The following GATA4 variants were observed in gnomAD, a reference collection of about 807,000 sequenced individuals.
GATA4 encodes transcription factor GATA-4.
In GATA4, 7 loss-of-function variants were observed where a neutral mutation model predicts 37.9. The observed-to-expected ratio is 0.18, with a 90% CI of 0.11 to 0.35. GATA4 has a LOEUF of 0.35. Among genes scored for constraint, GATA4 ranks in the 10% least tolerant of loss-of-function variants. The pLI, the probability that GATA4 is intolerant of heterozygous loss-of-function variation, is 1.00. For missense variants in GATA4, 647 were observed against 653.0 expected (o/e 0.99, Z 0.10); for synonymous variants, 372 against 292.6 (o/e 1.27, Z -2.77).
At chr8:11,678,175 C>G (rs578118694) in intron 1 of GATA4, among the ~76,000 whole-genome samples, 13 of 152,136 alleles carry the variant, frequency 8.5e-5, no homozygotes, top group Middle Eastern at 6.8e-3. Flanking sequence ...TCCACATGCT[C>G]GCAGGTTGAA....
chr8:11,708,193 G>T lies in GATA4; in HGVS notation c.-120G>T, dbSNP rs1344908067. 7 of 1,157,038 alleles carry T rather than the reference G, an allele frequency of 6.0e-6. No homozygotes were observed. Among genetic ancestry groups the T allele is most frequent in the Non-Finnish European group, 7.5e-6 (6 of 803,724 alleles). The allele number at this position is 1,157,038 out of a possible 1,614,324, so 71.7% of individuals were successfully genotyped here. On this transcript the variant is annotated 5_prime_UTR_variant, in exon 2 of 7. Coordinates refer to ENST00000532059, the MANE Select transcript of GATA4 (RefSeq NM_001308093.3). The surrounding 1 kb of genome is among the most constrained non-coding windows in gnomAD (Gnocchi z 6.7). ...GTTGGTTTTTTCCCCTTTGATTTTT[G>T]ATCTTCGCGACAGTTCCTCCCACGC...
At chr8:11,700,295 T>G (rs1277306062), upstream of GATA4, among the ~76,000 whole-genome samples, 2 of 152,234 alleles carry the variant, frequency 1.3e-5, no homozygotes, top group African/African-American at 4.8e-5. Context: ...CCCAGAGTAG[T>G]AATTTCGAAA....
chr8:11,717,581 T>A (rs570026237), intron 2 of GATA4, among the ~76,000 whole-genome samples: 81 of 152,322 alleles, frequency 5.3e-4, no homozygotes, highest in African/African-American at 1.9e-3. Flanking sequence ...CCCCACACTT[T>A]GTATTTGCCA....
rs10096526 is a variant in GATA4 at position 11,709,896 on chromosome 8, C to T, written c.616+968C>T. ...GGCAACCCCTAGTTCAAAATGCAAA[C>T]GACCTCTGGAATTTCGGGAAGAGAC... On this transcript the variant is annotated intron_variant, in intron 2 of 6. Coordinates refer to ENST00000532059, the MANE Select transcript of GATA4 (RefSeq NM_001308093.3). The surrounding 1 kb of genome is among the most constrained non-coding windows in gnomAD (Gnocchi z 4.3). Among the ~76,000 whole-genome samples the T allele has an allele frequency of 0.024, 3,656 of 152,230 alleles. 145 individuals are homozygous for T. Among genetic ancestry groups the T allele is most frequent in the African/African-American group, 0.082 (3,414 of 41,504 alleles).
intron 5 of GATA4, among the ~76,000 whole-genome samples, chr8:11,756,300 C>G (rs1802565823): frequency 6.6e-6 from 1 of 152,198 alleles, no homozygotes; most frequent in Non-Finnish European, 1.5e-5. Context: ...AGGCATATTT[C>G]CTACTGGAAT....
intron 5 of GATA4, chr8:11,756,702 TAAAAAG>T: frequency 1.7e-6 from 1 of 590,782 alleles, no homozygotes; most frequent in Non-Finnish European, 3.0e-6. Context: ...AATCTTTTTT[TAAAAAG>T]TTTTGAAGCC....
upstream of GATA4, among the ~76,000 whole-genome samples, chr8:11,699,503 G>C (rs920868017): frequency 1.3e-5 from 2 of 152,258 alleles, no homozygotes; most frequent in Non-Finnish European, 1.5e-5. Context: ...TGGGCAGTAG[G>C]TGTTAGCAGC....
At chr8:11,699,686 G>A (rs114969612), upstream of GATA4, among the ~76,000 whole-genome samples, 1 of 152,218 alleles carries the variant, frequency 6.6e-6, no homozygotes, top group Non-Finnish European at 1.5e-5. Flanking sequence ...ACTGGACCAG[G>A]CTTCAGTCCT....
At chr8:11,725,824 T>C (rs1800894701) in intron 2 of GATA4, among the ~76,000 whole-genome samples, 1 of 151,958 alleles carries the variant, frequency 6.6e-6, no homozygotes, top group South Asian at 2.1e-4. Context: ...ATCTTGCAAG[T>C]GCATGAAAGC....
rs557785406 is a variant in GATA4 at position 11,709,398 on chromosome 8, C to A, written c.616+470C>A. ...TGGTTTGGACCGCAGACCTTCTGGG[C>A]CATTTGGCGGCCCAGCTGGAGGATC... On this transcript the variant is annotated intron_variant, in intron 2 of 6. Coordinates refer to ENST00000532059, the MANE Select transcript of GATA4 (RefSeq NM_001308093.3). The surrounding 1 kb of genome is among the most constrained non-coding windows in gnomAD (Gnocchi z 4.3). 6.6e-6 allele frequency among the ~76,000 whole-genome samples: 1 copy of A among 152,344 alleles called. No individual in the cohort carries two copies. The highest frequency in any genetic ancestry group is 2.1e-4 in the South Asian group (1 of 4,824).
chr8:11,693,000 C>G, intron 1 of GATA4: 2 of 985,380 alleles, frequency 2.0e-6, no homozygotes, highest in Non-Finnish European at 2.4e-6. Flanking sequence ...GGGCTGCACC[C>G]CCGGCCGCGC....
chr8:11,677,259 G>C (rs1041935941), intron 1 of GATA4, among the ~76,000 whole-genome samples: 1 of 152,164 alleles, frequency 6.6e-6, no homozygotes, highest in Non-Finnish European at 1.5e-5. Flanking sequence ...AGGCCTTTGC[G>C]GACAGGAAGG....
At chr8:11,744,488 C>G (rs1197675272) in intron 2 of GATA4, among the ~76,000 whole-genome samples, 1 of 152,210 alleles carries the variant, frequency 6.6e-6, no homozygotes, top group Admixed American at 6.5e-5. Context: ...CGGAATCACT[C>G]TTGCCCCCAG....
intron 2 of GATA4, among the ~76,000 whole-genome samples, chr8:11,725,837 G>A (rs1396583501): frequency 1.3e-5 from 2 of 152,246 alleles, no homozygotes; most frequent in East Asian, 3.9e-4. Flanking sequence ...ATGAAAGCCA[G>A]TGGCGGGAAA....
At chr8:11,746,247 AAGAT>A (rs1585679111) in intron 2 of GATA4, among the ~76,000 whole-genome samples, 1 of 151,988 alleles carries the variant, frequency 6.6e-6, no homozygotes, top group African/African-American at 2.4e-5. Flanking sequence ...AGGAAAAAAA[AAGAT>A]AGAAAAAGTA....
At chr8:11,695,757 C>T (rs926297340) in intron 1 of GATA4, among the ~76,000 whole-genome samples, 2 of 152,162 alleles carry the variant, frequency 1.3e-5, no homozygotes, top group Non-Finnish European at 2.9e-5. Context: ...GGATAACCCT[C>T]ACTCTGACGT....
chr8:11,708,570 C>T lies in GATA4; in HGVS notation c.258C>T (p.Ser86=), dbSNP rs1157423725. Residue 86 remains serine, a synonymous_variant, in exon 2 of 7, where the codon AGC becomes AGT. Transcript: ENST00000532059. The surrounding 1 kb of genome is among the most constrained non-coding windows in gnomAD (Gnocchi z 6.7). ...CGGGGCCCGGGACCCAGCAGGGCAG[C>T]CCGGGATGGAGCCAGGCGGGAGCCG... ...SGAGPGTQQG[S]PGWSQAGADG... The T allele has an allele frequency of 7.3e-7, 1 of 1,372,756 alleles. No homozygotes were observed. Among genetic ancestry groups the T allele is most frequent in the Non-Finnish European group, 9.4e-7 (1 of 1,069,234 alleles). 85.0% of individuals were successfully genotyped at this position (1,372,756 alleles called of 1,614,324 possible). A position where few individuals can be genotyped will look rare whatever the true frequency, so the allele number is the denominator to read the frequency against.
upstream of GATA4, among the ~76,000 whole-genome samples, chr8:11,691,219 T>C (rs1037229553): frequency 3.3e-5 from 5 of 152,262 alleles, no homozygotes; most frequent in Non-Finnish European, 7.3e-5. Context: ...TTATTTTGCA[T>C]ATTCAGATGG....
At chr8:11,748,872 A>AAT (rs755324547) in intron 2 of GATA4, 44 bp from the exon 3 acceptor site, 1 of 1,604,542 alleles carries the variant, frequency 6.2e-7, no homozygotes, top group South Asian at 1.1e-5. Flanking sequence ...ATAAACAAAG[A>AAT]ATTAATCCTC....
Sources: gnomAD v4.1 joint callset for allele counts (sites outside exome capture counted in the v4.1 genomes callset) on GRCh38, gnomAD v4.1.1 for gene constraint, Gnocchi (gnomAD v3.1) non-coding constraint, MANE v1.5 for transcripts, NCBI Gene and HGNC (gene_info 2026-07-23, HGNC 2026-07-21) for gene names.